COG5: variants seen among roughly 807,000 people sequenced by gnomAD.
COG5 encodes the protein conserved oligomeric Golgi complex subunit 5.
Under a neutral mutation model 110.4 loss-of-function variants are expected in COG5, and 86 were observed. The ratio of observed to expected loss-of-function variants is 0.78; its 90% confidence interval spans 0.65 to 0.93. The LOEUF (loss-of-function observed/expected upper bound fraction) is 0.93, where lower values mean the gene tolerates loss of function less well. COG5 is among the 40% of genes least tolerant of loss of function. The probability of loss-of-function intolerance (pLI) is 0.00; values close to 1 mark genes in which losing one functional copy is unlikely to be tolerated. For synonymous variants in COG5, 360 were observed against 334.6 expected (o/e 1.08, Z -0.83); for missense variants, 1,077 against 987.0 (o/e 1.09, Z -1.22).
intron 6 of COG5, among the ~76,000 whole-genome samples, chr7:107,426,913 T>C (rs924593768): frequency 1.3e-5 from 2 of 152,196 alleles, no homozygotes; most frequent in African/African-American, 2.4e-5. Flanking sequence ...TGATCTCAAC[T>C]AGGAACCCTA....
intron 6 of COG5, among the ~76,000 whole-genome samples, chr7:107,461,092 G>GA (rs1474893413): frequency 2.0e-5 from 3 of 151,952 alleles, no homozygotes; most frequent in Non-Finnish European, 4.4e-5. Context: ...TCAACTCACT[G>GA]GAGTCCAGCA....
intron 14 of COG5, among the ~76,000 whole-genome samples, chr7:107,280,352 G>A (rs1805065989): frequency 6.6e-6 from 1 of 152,076 alleles, no homozygotes; most frequent in African/African-American, 2.4e-5. Flanking sequence ...AAAGAAGGAA[G>A]CCTCGTAACA....
chr7:107,538,007 C>T (rs1207173054), intron 5 of COG5, among the ~76,000 whole-genome samples: 1 of 152,138 alleles, frequency 6.6e-6, no homozygotes, highest in Admixed American at 6.5e-5. Context: ...CATTTCTTTT[C>T]TGACAAAGAG....
Position 107,343,840 on chromosome 7 carries a change from T to G in COG5, c.1026+18193A>C, listed in dbSNP as rs115137755. On this transcript the variant is annotated intron_variant, in intron 10 of 21. Coordinates refer to ENST00000297135, the MANE Select transcript of COG5 (RefSeq NM_006348.5). Reference sequence around the variant, plus strand: ...CAGAGTTCTTAGGTGAGTAGGTATATTACCAATGATGAGTAATAGTTTGAA... The same window carrying G: ...CAGAGTTCTTAGGTGAGTAGGTATAGTACCAATGATGAGTAATAGTTTGAA... Among the ~76,000 whole-genome samples the G allele has an allele frequency of 2.9e-3, 436 of 152,126 alleles. 3 individuals are homozygous for G. The highest frequency in any genetic ancestry group is 9.9e-3 in the African/African-American group (411 of 41,434).
chr7:107,263,847 A>T (rs1413031239), intron 14 of COG5, among the ~76,000 whole-genome samples: 1 of 152,182 alleles, frequency 6.6e-6, no homozygotes, highest in African/African-American at 2.4e-5. Flanking sequence ...ATGTTTTTAT[A>T]TAACTGTTAA....
chr7:107,383,520 G>C lies in COG5; in HGVS notation c.670-10760C>G, dbSNP rs188143243. Reference sequence around the variant, plus strand: ...TGCTAGAGAGACATAGGTAAGAGTGGATAATTCCTATTCTCTAGGCCCCCC... The same window carrying C: ...TGCTAGAGAGACATAGGTAAGAGTGCATAATTCCTATTCTCTAGGCCCCCC... On this transcript the variant is annotated intron_variant, in intron 7 of 21. Transcript: ENST00000297135. Among the ~76,000 whole-genome samples, 696 of 152,300 alleles carry C rather than the reference G, an allele frequency of 4.6e-3. 18 individuals carry two copies. Among genetic ancestry groups the C allele is most frequent in the Non-Finnish European group, 6.2e-4 (42 of 68,026 alleles).
chr7:107,301,471 A>C (rs915543129), intron 11 of COG5, among the ~76,000 whole-genome samples: 2 of 152,230 alleles, frequency 1.3e-5, no homozygotes, highest in Non-Finnish European at 2.9e-5. Context: ...ATGGCAAACA[A>C]ACACATGAAA....
intron 10 of COG5, among the ~76,000 whole-genome samples, chr7:107,351,970 C>T (rs2129041744): frequency 6.8e-6 from 1 of 146,444 alleles, no homozygotes; most frequent in African/African-American, 2.4e-5. Context: ...GGTATATACC[C>T]AAAGGATTAT....
intron 6 of COG5, among the ~76,000 whole-genome samples, chr7:107,466,780 G>A (rs572445527): frequency 6.0e-4 from 92 of 152,268 alleles, no homozygotes; most frequent in Non-Finnish European, 1.1e-3. Context: ...GGTTTACTAC[G>A]CTAAGTATCC....
chr7:107,480,890 G>A (rs535939586), intron 6 of COG5: 23 of 152,188 alleles, frequency 1.5e-4, no homozygotes, highest in African/African-American at 4.3e-4. Flanking sequence ...CCAAGTGAAC[G>A]TAATCACAAT....
chr7:107,449,988 T>A (rs1344471861), intron 6 of COG5: 1 of 152,208 alleles, frequency 6.6e-6, no homozygotes, highest in Non-Finnish European at 1.5e-5. Context: ...GAGAATTTAA[T>A]CCCAGCAAAG....
chr7:107,258,344 G>C lies in COG5; in HGVS notation c.1615C>G (p.Leu539Val). 1 of 1,613,152 alleles carries C rather than the reference G, an allele frequency of 6.2e-7. No individual in the cohort carries two copies. Among genetic ancestry groups the C allele is most frequent in the East Asian group, 2.2e-5 (1 of 44,860 alleles). Residue 539 changes from leucine to valine, a missense_variant, in exon 15 of 22, where the codon CTT becomes GTT. Leu to Val is a conservative substitution (Grantham distance 32). Coordinates refer to ENST00000297135, the MANE Select transcript of COG5 (RefSeq NM_006348.5). ...ACATTTCTTCTCTGTCCTTCAGTAA[G>C]AGGCCCAATCACCTGACTTGCATCT... is the stretch of plus-strand genomic sequence containing the variant. The part of the protein sequence containing the change: ...QGDASQVIGP[L>V]TEGQRRNVAV...
At chr7:107,376,260 AT>A (rs1186726332) in intron 7 of COG5, among the ~76,000 whole-genome samples, 1 of 152,004 alleles carries the variant, frequency 6.6e-6, no homozygotes, top group Non-Finnish European at 1.5e-5. Context: ...GCTCTTCTTG[AT>A]ATATGACACT....
intron 11 of COG5, among the ~76,000 whole-genome samples, chr7:107,310,622 A>G (rs1045767685): frequency 6.6e-6 from 1 of 152,220 alleles, no homozygotes; most frequent in Admixed American, 6.5e-5. Context: ...TAAACCAGTT[A>G]GAGGACAGTT....
At chr7:107,208,497 C>G in intron 21 of COG5, 1 of 985,392 alleles carries the variant, frequency 1.0e-6, no homozygotes, top group Non-Finnish European at 1.2e-6. Context: ...TAACTGAATC[C>G]TCTTTTTAAG....
intron 11 of COG5, 115 bp downstream of exon 11, chr7:107,324,324 AT>A: frequency 1.5e-6 from 1 of 674,186 alleles, no homozygotes. Flanking sequence ...TTAGCCAGGA[AT>A]TTTAAAATAG....
chr7:107,235,821 A>C (rs1461761427), intron 18 of COG5, among the ~76,000 whole-genome samples: 1 of 152,248 alleles, frequency 6.6e-6, no homozygotes, highest in East Asian at 1.9e-4. Flanking sequence ...AAAGGCTTTA[A>C]AAAATCTGTC....
At chr7:107,524,949 T>C (rs1800619766) in intron 6 of COG5, among the ~76,000 whole-genome samples, 1 of 152,114 alleles carries the variant, frequency 6.6e-6, no homozygotes, top group Non-Finnish European at 1.5e-5. Flanking sequence ...TTGTTTGTTT[T>C]GACAGAGTCT....
intron 11 of COG5, among the ~76,000 whole-genome samples, chr7:107,300,483 T>G (rs1807164558): frequency 6.6e-6 from 1 of 152,174 alleles, no homozygotes; most frequent in South Asian, 2.1e-4. Flanking sequence ...TTAGCAAAGT[T>G]GCAGGATACG....
Sources: allele counts gnomAD v4.1 joint callset (sites outside exome capture counted in the v4.1 genomes callset), GRCh38; gene constraint gnomAD v4.1.1; transcripts MANE v1.5; gene names NCBI Gene and HGNC (gene_info 2026-07-23, HGNC 2026-07-21).